The following TEAD4 variants were observed in gnomAD, a reference collection of about 807,000 sequenced individuals.
The protein encoded by TEAD4 is TEA domain transcription factor 4.
A neutral mutation model predicts 52.4 loss-of-function variants in TEAD4; 36 were observed. The observed-to-expected ratio is 0.69, with a 90% CI of 0.53 to 0.91. TEAD4 has a LOEUF of 0.91. Among genes scored for constraint, TEAD4 ranks in the 40% least tolerant of loss-of-function variants. TEAD4 has a pLI of 0.00. For missense variants in TEAD4, 508 were observed against 583.9 expected, an observed-to-expected ratio of 0.87 and a Z score of 1.34; for synonymous variants, 220 against 231.0, an observed-to-expected ratio of 0.95 and a Z score of 0.43.
chr12:2,987,377 G>C (rs1297218434), intron 2 of TEAD4, among the ~76,000 whole-genome samples: 3 of 152,094 alleles, frequency 2.0e-5, no homozygotes, highest in African/African-American at 4.8e-5. Flanking sequence ...GACTCCTCCT[G>C]CTTCTTCCAT....
intron 2 of TEAD4, among the ~76,000 whole-genome samples, chr12:2,984,275 T>C (rs2098236334): frequency 6.6e-6 from 1 of 152,252 alleles, no homozygotes; most frequent in Non-Finnish European, 1.5e-5. Flanking sequence ...AGAAAAGGCA[T>C]TGAAAATTTT....
chr12:3,010,692 G>C (rs1484785610), intron 3 of TEAD4, among the ~76,000 whole-genome samples: 4 of 152,182 alleles, frequency 2.6e-5, no homozygotes, highest in African/African-American at 9.7e-5. Flanking sequence ...GGCCGCCAGC[G>C]CTGGGTGAGG....
intron 4 of TEAD4, among the ~76,000 whole-genome samples, chr12:3,011,370 A>G (rs192019984): frequency 0.012 from 1,897 of 152,062 alleles, 18 homozygotes; most frequent in Non-Finnish European, 0.018. Context: ...AGCTGGGGTT[A>G]TAGTCACCCG....
Position 3,021,983 on chromosome 12 carries a change from G to C in TEAD4, c.863G>C (p.Gly288Ala). The C allele has an allele frequency of 6.2e-7, 1 of 1,614,242 alleles. No homozygotes were observed. The highest frequency in any genetic ancestry group is 8.5e-7 in the Non-Finnish European group (1 of 1,180,046). The change falls in exon 10 of 13, where the codon GGA becomes GCA. Residue 288 changes from glycine (G) to alanine (A), a missense_variant. Coordinates refer to ENST00000359864, the MANE Select transcript of TEAD4 (RefSeq NM_003213.4). ...GGACTCAAGGATCTCTTCGAACGGG[G>C]ACCCTCCAATGCCTTTTTTCTTGTG...
intron 11 of TEAD4, 91 bp downstream of exon 11, chr12:3,038,199 C>T (rs763010672): frequency 2.6e-5 from 38 of 1,489,024 alleles, no homozygotes; most frequent in Middle Eastern, 2.2e-4. Flanking sequence ...GAATGCCCTC[C>T]GTTAGGGAGC....
chr12:2,964,920 G>A (rs1028805436), intron 2 of TEAD4, among the ~76,000 whole-genome samples: 5 of 152,100 alleles, frequency 3.3e-5, no homozygotes, highest in Non-Finnish European at 7.3e-5. Context: ...TTGTGAGTCA[G>A]GCCACACAAG....
Position 2,959,588 on chromosome 12 carries a change from T to G in TEAD4, c.-123+107T>G, listed in dbSNP as rs1157172133. ...CCGCGTGCTCGGCTGCTCTTTTCTT[T>G]CCGCCGCCCGCGTTCCCGCCTTGGA... is the stretch of plus-strand genomic sequence containing the variant. On this transcript the variant is annotated intron_variant, in intron 1 of 12. Transcript: ENST00000359864. This position sits in a 1 kb window ranked among gnomAD's most constrained non-coding sequence, Gnocchi z 5.1. 1 of 150,446 alleles carries G rather than the reference T, an allele frequency of 6.6e-6. No individual in the cohort carries two copies. The highest frequency in any genetic ancestry group is 2.0e-4 in the East Asian group (1 of 5,122). The allele number at this position is 150,446 out of a possible 1,614,324, so 9.3% of individuals were successfully genotyped here.
At chr12:3,002,271 A>G (rs748921997) in intron 3 of TEAD4, among the ~76,000 whole-genome samples, 1 of 152,146 alleles carries the variant, frequency 6.6e-6, no homozygotes, top group South Asian at 2.1e-4. Context: ...TCACCTGTGG[A>G]TAGACATTTG....
At chr12:2,992,290 A>G (rs1374057330) in intron 2 of TEAD4, among the ~76,000 whole-genome samples, 1 of 151,972 alleles carries the variant, frequency 6.6e-6, no homozygotes, top group East Asian at 1.9e-4. Context: ...AAGTGCTGGG[A>G]TTACAGGTGT....
intron 2 of TEAD4, among the ~76,000 whole-genome samples, chr12:2,989,023 A>G (rs1591568316): frequency 6.6e-6 from 1 of 152,128 alleles, no homozygotes; most frequent in African/African-American, 2.4e-5. Flanking sequence ...ATGGCAGGTT[A>G]ATTGATCCTA....
At chr12:2,989,991 C>T (rs1344184335) in intron 2 of TEAD4, among the ~76,000 whole-genome samples, 1 of 152,138 alleles carries the variant, frequency 6.6e-6, no homozygotes, top group Non-Finnish European at 1.5e-5. Flanking sequence ...TCTATGTTCT[C>T]TTTTTCTGGA....
intron 3 of TEAD4, among the ~76,000 whole-genome samples, chr12:3,004,030 C>G (rs1477954487): frequency 1.3e-5 from 2 of 152,366 alleles, no homozygotes; most frequent in East Asian, 1.9e-4. Flanking sequence ...TACTCCCTTC[C>G]CCTCTTGCCC....
At chr12:3,024,596 G>A (rs1172812332) in intron 10 of TEAD4, among the ~76,000 whole-genome samples, 1 of 152,154 alleles carries the variant, frequency 6.6e-6, no homozygotes, top group African/African-American at 2.4e-5. Context: ...GGCAGAGGTT[G>A]CAGTGAGCCA....
At chr12:2,997,810 G>A (rs867564109) in intron 3 of TEAD4, among the ~76,000 whole-genome samples, 1 of 151,132 alleles carries the variant, frequency 6.6e-6, no homozygotes, top group Non-Finnish European at 1.5e-5. Context: ...TTTTTCGGGG[G>A]GGGGGTGTGT....
chr12:2,981,347 A>G (rs1425706731), intron 2 of TEAD4, among the ~76,000 whole-genome samples: 2 of 152,194 alleles, frequency 1.3e-5, no homozygotes, highest in African/African-American at 4.8e-5. Context: ...TTTGTCTTCC[A>G]GCTCCTGAGT....
chr12:2,983,899 G>A (rs1242396711), intron 2 of TEAD4, among the ~76,000 whole-genome samples: 1 of 152,236 alleles, frequency 6.6e-6, no homozygotes, highest in Non-Finnish European at 1.5e-5. Context: ...CTAAAGTGTG[G>A]TGGAGACCAG....
intron 5 of TEAD4, among the ~76,000 whole-genome samples, chr12:3,015,538 G>A (rs1193908971): frequency 1.3e-5 from 2 of 152,230 alleles, no homozygotes; most frequent in Non-Finnish European, 2.9e-5. Flanking sequence ...GAGCCTCTCT[G>A]AGCCTCCCTG....
At position 2,962,108 on chromosome 12, in the gene TEAD4, CTTTATTTTTAT is replaced by C. The variant is rs2098215849; in HGVS notation, c.-30+2077_-30+2087del. Among the ~76,000 whole-genome samples, 3 of 150,560 alleles carry C rather than the reference CTTTATTTTTAT, an allele frequency of 2.0e-5. No individual in the cohort carries two copies. The South Asian group carries it at 6.3e-4, about 31-fold the overall frequency. ...AAGTCCCCCATTTTATTTTATTTTA[CTTTATTTTTAT>C]TTTATTTTATTTTATTTATTTTTGA... is the stretch of plus-strand genomic sequence containing the variant. On this transcript the variant is annotated intron_variant, in intron 2 of 12. Coordinates refer to ENST00000359864, the MANE Select transcript of TEAD4 (RefSeq NM_003213.4).
chr12:3,026,485 G>A (rs1467548648), intron 10 of TEAD4, among the ~76,000 whole-genome samples: 1 of 152,186 alleles, frequency 6.6e-6, no homozygotes, highest in Non-Finnish European at 1.5e-5. Flanking sequence ...TATGACTTCT[G>A]TACTCAGGGT....
Sources: gnomAD v4.1 joint callset for allele counts (sites outside exome capture counted in the v4.1 genomes callset) on GRCh38, gnomAD v4.1.1 for gene constraint, Gnocchi (gnomAD v3.1) non-coding constraint, MANE v1.5 for transcripts, NCBI Gene and HGNC (gene_info 2026-07-23, HGNC 2026-07-21) for gene names.